The following POGZ variants were observed in gnomAD, a reference collection of about 807,000 sequenced individuals.
POGZ encodes the protein pogo transposable element derived with ZNF domain.
POGZ carries 17 observed loss-of-function variants against 134.6 expected under a neutral mutation model. The observed-to-expected ratio is 0.13, with a 90% CI of 0.09 to 0.19. POGZ has a LOEUF of 0.19. Ranked by LOEUF, POGZ falls within the 10% of genes least tolerant of loss-of-function variation. The probability of loss-of-function intolerance (pLI) is 1.00; values close to 1 mark genes in which losing one functional copy is unlikely to be tolerated. For missense variants in POGZ, 1,306 were observed against 1,769.7 expected (o/e 0.74, Z 4.70); for synonymous variants, 693 against 657.1 (o/e 1.05, Z -0.84).
intron 1 of POGZ, among the ~76,000 whole-genome samples, chr1:151,454,731 T>G (rs1191926148): frequency 6.6e-6 from 1 of 152,252 alleles, no homozygotes; most frequent in Non-Finnish European, 1.5e-5. Context: ...TCCATTTCTA[T>G]GCTTTCAATT....
chr1:151,453,101 TTAG>T (rs1245047210), intron 1 of POGZ, among the ~76,000 whole-genome samples: 3 of 151,864 alleles, frequency 2.0e-5, no homozygotes, highest in African/African-American at 7.2e-5. Context: ...TTTTGTATTT[TTAG>T]TAGAGACAGG....
Position 151,428,218 on chromosome 1 carries a change from G to A in POGZ, c.764C>T (p.Thr255Ile), listed in dbSNP as rs149987993. 8 of 1,614,030 alleles carry A rather than the reference G, an allele frequency of 5.0e-6. No individual in the cohort carries two copies. In the African/African-American group the frequency reaches 8.0e-5, roughly 16 times the overall value. The change falls in exon 6 of 19, where the codon ACT becomes ATT. Residue 255 changes from threonine (T) to isoleucine (I), a missense_variant. Transcript: ENST00000271715. ...CTGTGTGGCAGTGGGAGTGGTAGAA[G>A]TGCTGGGAGTGGACTTGGTCTGCTG... ...QSQQTKSTPS[T>I]STTPTATQPT...
rs1037348967 is a variant in POGZ at position 151,408,899 on chromosome 1, G to C, written c.1927-71C>G. On this transcript the variant is annotated intron_variant, in intron 12 of 18. Transcript: ENST00000271715. Reference sequence around the variant, plus strand: ...CCTAATAAATTTTCTTTTTTGAGGAGAAAGCAGATCAATGTCAACCATATC... The same window carrying C: ...CCTAATAAATTTTCTTTTTTGAGGACAAAGCAGATCAATGTCAACCATATC... 3.0e-6 allele frequency: 4 copies of C among 1,349,924 alleles called. No homozygotes were observed. The African/African-American group carries it at 5.8e-5, about 20-fold the overall frequency. The allele number at this position is 1,349,924 out of a possible 1,614,324, so 83.6% of individuals were successfully genotyped here.
chr1:151,406,661 A>G (rs754254486), intron 17 of POGZ, 30 bp from the exon 18 acceptor site: 46 of 1,593,914 alleles, frequency 2.9e-5, no homozygotes, highest in Non-Finnish European at 6.8e-6. Context: ...AAAAATAGTT[A>G]GCTCAGTGAA....
intron 1 of POGZ, among the ~76,000 whole-genome samples, chr1:151,444,835 C>A (rs1014136266): frequency 1.3e-5 from 2 of 152,088 alleles, no homozygotes; most frequent in Non-Finnish European, 2.9e-5. Flanking sequence ...TTGGGTAGCA[C>A]AGCAAGACTC....
Position 151,423,929 on chromosome 1 carries a change from C to A in POGZ, c.1523+20G>T. 2 of 1,574,696 alleles carry A rather than the reference C, an allele frequency of 1.3e-6. No homozygotes were observed. The highest frequency in any genetic ancestry group is 1.7e-6 in the Non-Finnish European group (2 of 1,150,694). On this transcript the variant is annotated intron_variant, in intron 9 of 18. Coordinates refer to ENST00000271715, the MANE Select transcript of POGZ (RefSeq NM_015100.4). Reference sequence around the variant, plus strand: ...GTCTTCTCTTGTTCAAGGTAACTTCCAAGGCTCTTAAACACTTACCGAATA... The same window carrying A: ...GTCTTCTCTTGTTCAAGGTAACTTCAAAGGCTCTTAAACACTTACCGAATA...
At chr1:151,416,996 G>T (rs1406360768) in intron 10 of POGZ, among the ~76,000 whole-genome samples, 1 of 151,778 alleles carries the variant, frequency 6.6e-6, no homozygotes, top group Non-Finnish European at 1.5e-5. Flanking sequence ...ATATTCTGGG[G>T]ACAACTCAGA....
At position 151,424,205 on chromosome 1, in the gene POGZ, G is replaced by A; in HGVS notation, c.1267C>T (p.Pro423Ser). ...SEPSVPSAAK[P>S]PSPEKTAPVA... ...GGAGCTGTTTTCTCAGGGGATGGGG[G>A]CTTTGCTGCTGATGGGACACTGGGT... is the stretch of plus-strand genomic sequence containing the variant. The change falls in exon 9 of 19, where the codon CCC (proline) becomes TCC (serine). Residue 423 changes from proline (P) to serine (S), a missense_variant. This residue lies in a region of POGZ where 541 missense variants were observed against 680.5 expected (regional missense o/e 0.80). Transcript: ENST00000271715. 2 of 1,613,966 alleles carry A rather than the reference G, an allele frequency of 1.2e-6. No individual in the cohort carries two copies. Among genetic ancestry groups the A allele is most frequent in the Non-Finnish European group, 1.7e-6 (2 of 1,179,838 alleles).
At chr1:151,436,430 G>A (rs1659599518) in intron 3 of POGZ, among the ~76,000 whole-genome samples, 1 of 151,852 alleles carries the variant, frequency 6.6e-6, no homozygotes, top group African/African-American at 2.4e-5. Flanking sequence ...GTGACCTTTT[G>A]TGTCTGGCTT....
chr1:151,423,851 T>C, intron 9 of POGZ, 98 bp downstream of exon 9: 1 of 876,962 alleles, frequency 1.1e-6, no homozygotes, highest in Non-Finnish European at 1.7e-6. Context: ...GACTGCATAG[T>C]AGTTAGGTCC....
In POGZ at chr1:151,404,149, T is replaced by C. The variant is rs1393872566; in HGVS notation, c.*653A>G. On this transcript the variant is annotated 3_prime_UTR_variant, in exon 19 of 19. Transcript: ENST00000271715. ...GCCACAATTTTATATCTAGGGTTGCTGTAGAAACCAACATCTCTGGAGAGG... is the reference window on the plus strand; with the variant it reads ...GCCACAATTTTATATCTAGGGTTGCCGTAGAAACCAACATCTCTGGAGAGG... 1.0e-6 allele frequency: 1 copy of C among 985,572 alleles called. No homozygotes were observed. Among genetic ancestry groups the C allele is most frequent in the Non-Finnish European group, 1.2e-6 (1 of 829,778 alleles). The allele number at this position is 985,572 out of a possible 1,614,324, so 61.1% of individuals were successfully genotyped here.
rs758569033 is a variant in POGZ, at chr1:151,405,444, A to G, written c.3591T>C (p.Ser1197=). Reference sequence around the variant, plus strand: ...CCATGATCTCGTCATCACTGTAGCCACTCTCCTTTGCCTCTAGCAATATGG... The same window carrying G: ...CCATGATCTCGTCATCACTGTAGCCGCTCTCCTTTGCCTCTAGCAATATGG... The part of the protein sequence containing the change: ...PDSILLEAKE[S]GYSDDEIMEL... Residue 1197 remains serine, a synonymous_variant, in exon 19 of 19, where the codon AGT becomes AGC. Coordinates refer to ENST00000271715, the MANE Select transcript of POGZ (RefSeq NM_015100.4). This position sits in a 1 kb window ranked among gnomAD's most constrained non-coding sequence, Gnocchi z 4.9. 1 of 1,614,010 alleles carries G rather than the reference A, an allele frequency of 6.2e-7. No homozygotes were observed. Among genetic ancestry groups the G allele is most frequent in the South Asian group, 1.1e-5 (1 of 91,082 alleles).
intron 7 of POGZ, 21 bp downstream of exon 7, chr1:151,427,800 CAG>C (rs775593201): frequency 7.4e-6 from 11 of 1,477,334 alleles, no homozygotes; most frequent in African/African-American, 5.5e-5. Context: ...ACTGGCTGCT[CAG>C]AGTCTTTCAG....
At chr1:151,456,275 A>G (rs1046004395) in intron 1 of POGZ, among the ~76,000 whole-genome samples, 3 of 152,224 alleles carry the variant, frequency 2.0e-5, no homozygotes, top group Non-Finnish European at 4.4e-5. Context: ...TGCAGTCCTT[A>G]ACCACTGATA....
intron 3 of POGZ, among the ~76,000 whole-genome samples, chr1:151,431,685 G>T (rs1658722824): frequency 6.6e-6 from 1 of 152,120 alleles, no homozygotes; most frequent in Admixed American, 6.5e-5. Context: ...ATTCATTCAT[G>T]AATAAATATT....
At chr1:151,440,260 A>G in intron 3 of POGZ, among the ~76,000 whole-genome samples, 1 of 151,858 alleles carries the variant, frequency 6.6e-6, no homozygotes. Context: ...TTTAGTTTTA[A>G]AGGAAATAAA....
intron 3 of POGZ, among the ~76,000 whole-genome samples, chr1:151,432,159 G>A (rs200348474): frequency 6.6e-6 from 1 of 151,898 alleles, no homozygotes; most frequent in Non-Finnish European, 1.5e-5. Flanking sequence ...ACAGAGCAAG[G>A]CTCTGTCTCA....
In POGZ at chr1:151,403,456, G is replaced by C. The variant is rs1653050669; in HGVS notation, c.*1346C>G. 1 of 985,608 alleles carries C rather than the reference G, an allele frequency of 1.0e-6. No individual in the cohort carries two copies. Among genetic ancestry groups the C allele is most frequent in the South Asian group, 4.7e-5 (1 of 21,290 alleles). The allele number at this position is 985,608 out of a possible 1,614,324, so 61.1% of individuals were successfully genotyped here. ...TTTGCCTCCTTGGCTCACAGGAGGG[G>C]AACATTGTGGAAAGCCTCAGGATAA... On this transcript the variant is annotated 3_prime_UTR_variant, in exon 19 of 19. Coordinates refer to ENST00000271715, the MANE Select transcript of POGZ (RefSeq NM_015100.4).
intron 1 of POGZ, among the ~76,000 whole-genome samples, chr1:151,454,088 T>A (rs369650563): frequency 6.6e-6 from 1 of 152,162 alleles, no homozygotes; most frequent in Non-Finnish European, 1.5e-5. Flanking sequence ...AGTCCAGAAA[T>A]GAAGAATGAA....
Sources: gnomAD v4.1 joint callset for allele counts (sites outside exome capture counted in the v4.1 genomes callset) on GRCh38, gnomAD v4.1.1 for gene constraint, gnomAD v4.1.1 regional missense constraint, Gnocchi (gnomAD v3.1) non-coding constraint, MANE v1.5 for transcripts, NCBI Gene and HGNC (gene_info 2026-07-23, HGNC 2026-07-21) for gene names.